Variants in EYS observed in about 807,000 individuals in gnomAD.
EYS encodes protein eyes shut homolog.
EYS carries 250 observed loss-of-function variants against 282.1 expected under a neutral mutation model. That is an observed-to-expected ratio of 0.89 (90% confidence interval 0.80 to 0.98). EYS has a LOEUF of 0.98. Ranked by LOEUF, EYS falls within the 50% of genes least tolerant of loss-of-function variation. The probability of loss-of-function intolerance (pLI) is 0.00; values close to 1 mark genes in which losing one functional copy is unlikely to be tolerated. For synonymous variants in EYS, 1,355 were observed against 1,282.9 expected (o/e 1.06, Z -1.20); for missense variants, 4,016 against 3,709.0 (o/e 1.08, Z -2.15).
At chr6:64,691,380 G>A (rs191708957) in intron 22 of EYS, among the ~76,000 whole-genome samples, 2 of 152,210 alleles carry the variant, frequency 1.3e-5, no homozygotes, top group African/African-American at 4.8e-5. Context: ...AAGTTTTATG[G>A]AACCTACAGA....
chr6:65,314,615 A>C (rs1364431294), intron 11 of EYS, among the ~76,000 whole-genome samples: 2 of 137,752 alleles, frequency 1.5e-5, no homozygotes, highest in Non-Finnish European at 3.1e-5. Flanking sequence ...TGTGTTTTCC[A>C]GCTAAAACCT....
In EYS at chr6:65,476,077, A is replaced by T. The variant is rs182515150; in HGVS notation, c.862+14517T>A. On this transcript the variant is annotated intron_variant, in intron 5 of 42. Coordinates refer to ENST00000503581, the MANE Select transcript of EYS (RefSeq NM_001142800.2). ...TTACTCTCTTATTAAAAAAAAATTT[A>T]AAAAAAAGTAACTTGCCAAAAAAAG... Among the ~76,000 whole-genome samples the T allele has an allele frequency of 1.6e-3, 237 of 151,808 alleles. 1 individual carries two copies. The highest frequency in any genetic ancestry group is 3.4e-3 in the Middle Eastern group (1 of 294).
At chr6:64,437,652 T>A (rs886514240) in intron 27 of EYS, among the ~76,000 whole-genome samples, 1 of 151,616 alleles carries the variant, frequency 6.6e-6, no homozygotes, top group African/African-American at 2.4e-5. Context: ...AAGTAAATAT[T>A]ATAAATGGGC....
intron 31 of EYS, among the ~76,000 whole-genome samples, chr6:64,158,249 A>G (rs1354472851): frequency 2.0e-5 from 3 of 152,192 alleles, no homozygotes; most frequent in Admixed American, 2.0e-4. Flanking sequence ...TCTCTTATTC[A>G]CTGAATTATT....
intron 36 of EYS, among the ~76,000 whole-genome samples, chr6:63,840,028 T>C (rs1348597589): frequency 6.6e-6 from 1 of 151,200 alleles, no homozygotes; most frequent in African/African-American, 2.4e-5. Flanking sequence ...GAGATGTCTA[T>C]TCAGCTCATT....
chr6:64,869,195 T>C (rs1766516097), intron 19 of EYS, among the ~76,000 whole-genome samples: 1 of 151,572 alleles, frequency 6.6e-6, no homozygotes, highest in Non-Finnish European at 1.5e-5. Flanking sequence ...TTAACAGAAA[T>C]AACTACCATG....
At chr6:64,105,187 C>T (rs921478284) in intron 31 of EYS, among the ~76,000 whole-genome samples, 11 of 151,648 alleles carry the variant, frequency 7.3e-5, no homozygotes, top group Admixed American at 1.3e-4. Flanking sequence ...TCTTTCCTAC[C>T]CACTCTATGG....
At chr6:64,393,410 A>C (rs1394714325) in intron 28 of EYS, among the ~76,000 whole-genome samples, 2 of 152,172 alleles carry the variant, frequency 1.3e-5, no homozygotes, top group Non-Finnish European at 2.9e-5. Context: ...GAATCCAGCA[A>C]CACATCAAAA....
At chr6:65,427,679 T>C (rs1767714671) in intron 5 of EYS, among the ~76,000 whole-genome samples, 1 of 152,056 alleles carries the variant, frequency 6.6e-6, no homozygotes, top group South Asian at 2.1e-4. Flanking sequence ...ACCATTATGG[T>C]GTAGAAGTAC....
Position 64,964,452 on chromosome 6 carries a change from A to C in EYS, c.2260-18538T>G, listed in dbSNP as rs1028115494. On this transcript the variant is annotated intron_variant, in intron 14 of 42. Transcript: ENST00000503581. ...GTTATTACTATAATGTGTCAATTTA[A>C]AATGTCATATGTTAAATTACATTTT... 3.9e-5 allele frequency among the ~76,000 whole-genome samples: 6 copies of C among 152,084 alleles called. No homozygotes were observed. The East Asian group carries it at 7.7e-4, about 20-fold the overall frequency.
intron 31 of EYS, among the ~76,000 whole-genome samples, chr6:64,227,226 C>A (rs953732495): frequency 3.3e-5 from 5 of 151,610 alleles, no homozygotes; most frequent in African/African-American, 1.2e-4. Flanking sequence ...TTGGGCTCAC[C>A]CAATGTGTTT....
intron 29 of EYS, among the ~76,000 whole-genome samples, chr6:64,343,734 T>TA (rs1349815751): frequency 1.3e-5 from 2 of 151,468 alleles, no homozygotes; most frequent in African/African-American, 4.8e-5. Context: ...AATAGAGACA[T>TA]AAAAAACCCT....
intron 13 of EYS, among the ~76,000 whole-genome samples, chr6:65,015,543 C>T (rs7775187): frequency 0.34 from 51,232 of 151,938 alleles, 9,391 homozygotes; most frequent in African/African-American, 0.48. Context: ...TTAGTTGTAT[C>T]TAAAAATATA....
rs576906406 is a variant in EYS, at chr6:65,136,086, A to G, written c.2024-78359T>C. Among the ~76,000 whole-genome samples the G allele has an allele frequency of 2.6e-5, 4 of 152,180 alleles. No homozygotes were observed. The East Asian group carries it at 5.8e-4, about 22-fold the overall frequency. The stretch of plus-strand genomic sequence containing the variant: ...TCAGAATTAAATAATAAAGACAAAT[A>G]AAAAAATTCCTGTCAATGTGGCCTT... On this transcript the variant is annotated intron_variant, in intron 12 of 42. Transcript: ENST00000503581.
At chr6:64,205,068 T>C (rs1224834857) in intron 31 of EYS, among the ~76,000 whole-genome samples, 2 of 152,180 alleles carry the variant, frequency 1.3e-5, no homozygotes, top group Admixed American at 6.5e-5. Flanking sequence ...AGCTCTTCTG[T>C]AGTTTGAAAT....
At chr6:64,757,184 A>T (rs556945500) in intron 22 of EYS, among the ~76,000 whole-genome samples, 16 of 152,274 alleles carry the variant, frequency 1.1e-4, no homozygotes, top group African/African-American at 3.4e-4. Flanking sequence ...TTATGACCTG[A>T]TGTTTTTTGT....
At chr6:64,447,931 G>A (rs1257448134) in intron 26 of EYS, among the ~76,000 whole-genome samples, 1 of 152,190 alleles carries the variant, frequency 6.6e-6, no homozygotes, top group East Asian at 1.9e-4. Context: ...AATCCGTAAG[G>A]ATAGAAAGTA....
At chr6:65,262,479 G>A (rs571483487) in intron 12 of EYS, among the ~76,000 whole-genome samples, 3 of 152,048 alleles carry the variant, frequency 2.0e-5, no homozygotes, top group African/African-American at 7.2e-5. Flanking sequence ...TTTGTTACTC[G>A]AGAGCTAGAA....
intron 35 of EYS, among the ~76,000 whole-genome samples, chr6:63,907,393 T>A (rs1358262441): frequency 1.3e-5 from 2 of 152,096 alleles, no homozygotes; most frequent in Non-Finnish European, 2.9e-5. Context: ...ATGATCCAAA[T>A]CACTTTGGAT....
Sources: allele counts gnomAD v4.1 joint callset (sites outside exome capture counted in the v4.1 genomes callset), GRCh38; gene constraint gnomAD v4.1.1; transcripts MANE v1.5; gene names NCBI Gene and HGNC (gene_info 2026-07-23, HGNC 2026-07-21).